L2HGDH: variants seen among roughly 807,000 people sequenced by gnomAD.
The protein encoded by L2HGDH is L-2-hydroxyglutarate dehydrogenase.
In L2HGDH, 34 loss-of-function variants were observed where a neutral mutation model predicts 51.5. The ratio of observed to expected loss-of-function variants is 0.66; its 90% confidence interval spans 0.50 to 0.88. The LOEUF (loss-of-function observed/expected upper bound fraction) is 0.88. Ranked by LOEUF, L2HGDH falls within the 40% of genes least tolerant of loss-of-function variation. L2HGDH has a pLI of 0.00. For missense variants in L2HGDH, 558 were observed against 571.9 expected (o/e 0.98, Z 0.25); for synonymous variants, 198 against 197.9 (o/e 1.00, Z -0.01).
At chr14:50,250,167 G>A (rs1888263114) in intron 9 of L2HGDH, among the ~76,000 whole-genome samples, 1 of 152,170 alleles carries the variant, frequency 6.6e-6, no homozygotes, top group African/African-American at 2.4e-5. Context: ...CTTCCAAAGT[G>A]TTGGGATTAC....
chr14:50,258,016 A>G (rs1343544524), intron 9 of L2HGDH, among the ~76,000 whole-genome samples: 3 of 150,040 alleles, frequency 2.0e-5, no homozygotes, highest in African/African-American at 7.3e-5. Flanking sequence ...ATTTGCTTCT[A>G]TTACTATCCT....
intron 4 of L2HGDH, among the ~76,000 whole-genome samples, chr14:50,292,909 G>A (rs1439488149): frequency 6.6e-6 from 1 of 151,554 alleles, no homozygotes; most frequent in Non-Finnish European, 1.5e-5. Flanking sequence ...AACTACTATA[G>A]TCCAAGCTAC....
intron 8 of L2HGDH, among the ~76,000 whole-genome samples, chr14:50,266,394 G>A (rs1889334173): frequency 6.6e-6 from 1 of 152,116 alleles, no homozygotes; most frequent in Non-Finnish European, 1.5e-5. Context: ...TGTAATCCCA[G>A]CACTTTGGGA....
chr14:50,245,059 C>T lies in L2HGDH; in HGVS notation c.*1999G>A. ...CATATATACAGGATATACCACAGCA[C>T]TGGGCATCAACTTAAAATACTCATG... is the stretch of plus-strand genomic sequence containing the variant. On this transcript the variant is annotated 3_prime_UTR_variant, in exon 10 of 10. Coordinates refer to ENST00000267436, the MANE Select transcript of L2HGDH (RefSeq NM_024884.3). 1 of 985,816 alleles carries T rather than the reference C, an allele frequency of 1.0e-6. No individual in the cohort carries two copies. Among genetic ancestry groups the T allele is most frequent in the Non-Finnish European group, 1.2e-6 (1 of 829,930 alleles). 61.1% of individuals were successfully genotyped at this position (985,816 alleles called of 1,614,324 possible).
rs1888324266 is a variant in L2HGDH, at chr14:50,251,129, CAGAA to C, written c.1197-3880_1197-3877del. On this transcript the variant is annotated intron_variant, in intron 9 of 9. Transcript: ENST00000267436. ...AAACTCAAAGAAATTCAAGACAACA[CAGAA>C]AGAATTCACAATTCTTTCAGATAAA... Among the ~76,000 whole-genome samples the C allele has an allele frequency of 2.6e-5, 4 of 152,224 alleles. No individual in the cohort carries two copies. In the South Asian group the frequency reaches 8.3e-4, roughly 32 times the overall value.
chr14:50,259,820 C>T (rs557543329), intron 9 of L2HGDH, among the ~76,000 whole-genome samples: 85 of 151,474 alleles, frequency 5.6e-4, no homozygotes, highest in Middle Eastern at 3.4e-3. Context: ...GGAGACAGAG[C>T]GAGACTCTTA....
intron 5 of L2HGDH, among the ~76,000 whole-genome samples, chr14:50,282,877 C>CA (rs930752279): frequency 2.6e-5 from 4 of 151,782 alleles, no homozygotes; most frequent in African/African-American, 9.7e-5. Flanking sequence ...CCCATCTCTA[C>CA]AAAAAATACA....
At position 50,244,837 on chromosome 14, in the gene L2HGDH, G is replaced by A; in HGVS notation, c.*2221C>T. ...CACCCATCCATCATACAGCTTTGGAGAGCTAAGAGGAAAGAAGACATACAC... is the reference window on the plus strand; with the variant it reads ...CACCCATCCATCATACAGCTTTGGAAAGCTAAGAGGAAAGAAGACATACAC... On this transcript the variant is annotated 3_prime_UTR_variant, in exon 10 of 10. Coordinates refer to ENST00000267436, the MANE Select transcript of L2HGDH (RefSeq NM_024884.3). 1.0e-6 allele frequency: 1 copy of A among 985,424 alleles called. No individual in the cohort carries two copies. The highest frequency in any genetic ancestry group is 1.2e-6 in the Non-Finnish European group (1 of 829,930). The allele number at this position is 985,424 out of a possible 1,614,324, so 61.0% of individuals were successfully genotyped here.
At chr14:50,297,586 A>G (rs1203994644) in intron 3 of L2HGDH, among the ~76,000 whole-genome samples, 1 of 152,238 alleles carries the variant, frequency 6.6e-6, no homozygotes, top group Non-Finnish European at 1.5e-5. Flanking sequence ...ATATTTACAG[A>G]GAGTTTCATC....
chr14:50,242,913 T>C lies in L2HGDH; in HGVS notation c.*4145A>G. On this transcript the variant is annotated 3_prime_UTR_variant, in exon 10 of 10. Coordinates refer to ENST00000267436, the MANE Select transcript of L2HGDH (RefSeq NM_024884.3). ...TAAACAATATAGACACCATGTCTCC[T>C]GTGTTTACAGGGATAGCTCATAGGT... The C allele has an allele frequency of 1.0e-6, 1 of 985,458 alleles. No homozygotes were observed. The highest frequency in any genetic ancestry group is 1.2e-6 in the Non-Finnish European group (1 of 829,940). 61.0% of individuals were successfully genotyped at this position (985,458 alleles called of 1,614,324 possible). A position where few individuals can be genotyped will look rare whatever the true frequency, so the allele number is the denominator to read the frequency against.
At chr14:50,265,554 T>C in intron 8 of L2HGDH, 65 bp from the exon 9 acceptor site, 1 of 1,333,120 alleles carries the variant, frequency 7.5e-7, no homozygotes, top group Non-Finnish European at 1.0e-6. Flanking sequence ...AATACCTTTA[T>C]AATTATTAGA....
intron 6 of L2HGDH, among the ~76,000 whole-genome samples, chr14:50,273,580 G>C (rs1206942499): frequency 6.6e-6 from 1 of 151,642 alleles, no homozygotes; most frequent in African/African-American, 2.4e-5. Flanking sequence ...GGCACCAAAA[G>C]CACAGGCAAC....
At position 50,244,823 on chromosome 14, in the gene L2HGDH, C is replaced by A. The variant is rs1887928164; in HGVS notation, c.*2235G>T. 2 of 985,310 alleles carry A rather than the reference C, an allele frequency of 2.0e-6. No homozygotes were observed. The highest frequency in any genetic ancestry group is 2.4e-6 in the Non-Finnish European group (2 of 829,932). 61.0% of individuals were successfully genotyped at this position (985,310 alleles called of 1,614,324 possible). Reference sequence around the variant, plus strand: ...ATGCACATCCTTCTCACCCATCCATCATACAGCTTTGGAGAGCTAAGAGGA... The same window carrying A: ...ATGCACATCCTTCTCACCCATCCATAATACAGCTTTGGAGAGCTAAGAGGA... On this transcript the variant is annotated 3_prime_UTR_variant, in exon 10 of 10. Transcript: ENST00000267436.
intron 9 of L2HGDH, among the ~76,000 whole-genome samples, chr14:50,249,555 A>C (rs1888214246): frequency 6.6e-6 from 1 of 152,084 alleles, no homozygotes; most frequent in African/African-American, 2.4e-5. Flanking sequence ...CCCCGGGCCA[A>C]AAGGGAACCT....
chr14:50,307,978 T>C (rs539161189), intron 1 of L2HGDH, among the ~76,000 whole-genome samples: 10 of 152,290 alleles, frequency 6.6e-5, no homozygotes, highest in African/African-American at 2.4e-4. Context: ...ATAAAACTTT[T>C]GCTCTGCAAA....
At chr14:50,293,149 T>A (rs114515014) in intron 4 of L2HGDH, 1 of 686,696 alleles carries the variant, frequency 1.5e-6, no homozygotes, top group African/African-American at 1.8e-5. Context: ...ATTATGGTAG[T>A]AGCACAGAAG....
chr14:50,253,701 A>C (rs980780715), intron 9 of L2HGDH, among the ~76,000 whole-genome samples: 5 of 152,178 alleles, frequency 3.3e-5, no homozygotes, highest in Non-Finnish European at 7.3e-5. Context: ...AAAAGAAAGG[A>C]AATCAGTGTA....
intron 9 of L2HGDH, among the ~76,000 whole-genome samples, chr14:50,264,851 C>A (rs1889246148): frequency 6.6e-6 from 1 of 152,088 alleles, no homozygotes; most frequent in Admixed American, 6.6e-5. Flanking sequence ...TATGTAGAAA[C>A]CTTCACATGT....
intron 6 of L2HGDH, 30 bp downstream of exon 6, chr14:50,278,490 T>C (rs1890093252): frequency 4.2e-6 from 6 of 1,413,670 alleles, no homozygotes; most frequent in Non-Finnish European, 6.0e-6. Context: ...GGAAAGAAAG[T>C]AGCCAGCAGT....
Sources: allele counts gnomAD v4.1 joint callset (sites outside exome capture counted in the v4.1 genomes callset), GRCh38; gene constraint gnomAD v4.1.1; transcripts MANE v1.5; gene names NCBI Gene and HGNC (gene_info 2026-07-23, HGNC 2026-07-21).